The following RCC2 variants were observed in gnomAD, a reference collection of about 807,000 sequenced individuals.
The protein encoded by RCC2 is regulator of chromosome condensation 2, also known as protein RCC2.
RCC2 carries 19 observed loss-of-function variants against 64.1 expected under a neutral mutation model. The observed-to-expected ratio is 0.30, with a 90% CI of 0.21 to 0.44. The LOEUF is 0.44. Among genes scored for constraint, RCC2 ranks in the 20% least tolerant of loss-of-function variants. The probability of loss-of-function intolerance (pLI) is 1.00; values close to 1 mark genes in which losing one functional copy is unlikely to be tolerated. For synonymous variants in RCC2, 325 were observed against 279.6 expected, an observed-to-expected ratio of 1.16 and a Z score of -1.62; for missense variants, 508 against 710.4, an observed-to-expected ratio of 0.72 and a Z score of 3.24.
At chr1:17,430,956 G>A (rs2075669206) in intron 2 of RCC2, among the ~76,000 whole-genome samples, 2 of 151,814 alleles carry the variant, frequency 1.3e-5, no homozygotes, top group South Asian at 2.1e-4. Context: ...GACCGCAGGT[G>A]ATCCACCCAC....
chr1:17,437,750 C>T (rs1268429008), intron 2 of RCC2, among the ~76,000 whole-genome samples: 1 of 1,852 alleles, frequency 5.4e-4, no homozygotes, highest in African/African-American at 1.7e-3. Context: ...AGCCCCGGCG[C>T]AAACGGCCGC....
intron 12 of RCC2, among the ~76,000 whole-genome samples, chr1:17,409,480 C>T (rs978948364): frequency 6.6e-6 from 1 of 152,214 alleles, no homozygotes; most frequent in Non-Finnish European, 1.5e-5. Context: ...GCTCCAGCTC[C>T]ACTTCCATCC....
rs779083439 is a variant in RCC2 at position 17,425,478 on chromosome 1, C to T, written c.523+63G>A. On this transcript the variant is annotated intron_variant, in intron 4 of 12. Transcript: ENST00000375436. ...TCTCTTTTCCAGGCAAACAGAAGAA[C>T]GTGCTGTGTGGGGACAGCTGGTGAC... The T allele has an allele frequency of 1.4e-5, 21 of 1,467,602 alleles. No individual in the cohort carries two copies. In the East Asian group the frequency reaches 4.8e-4, roughly 34 times the overall value. 90.9% of individuals were successfully genotyped at this position (1,467,602 alleles called of 1,614,324 possible). A position where few individuals can be genotyped will look rare whatever the true frequency, so the allele number is the denominator to read the frequency against.
intron 2 of RCC2, among the ~76,000 whole-genome samples, chr1:17,431,290 C>T (rs1343498743): frequency 7.5e-6 from 1 of 133,892 alleles, no homozygotes. Flanking sequence ...GCCAAGATCG[C>T]ACCACTGCAC....
intron 8 of RCC2, among the ~76,000 whole-genome samples, chr1:17,414,661 G>A (rs1467072141): frequency 1.3e-5 from 2 of 151,240 alleles, no homozygotes; most frequent in African/African-American, 2.4e-5. Context: ...AGAGGGTCTC[G>A]TGCTCTGTTA....
intron 11 of RCC2, among the ~76,000 whole-genome samples, chr1:17,411,851 G>T (rs971215412): frequency 6.6e-6 from 1 of 152,186 alleles, no homozygotes; most frequent in East Asian, 1.9e-4. Flanking sequence ...CCCAACTGTG[G>T]TTTACAAAAT....
intron 12 of RCC2, 25 bp from the exon 13 acceptor site, chr1:17,409,219 T>G (rs1385912932): frequency 2.0e-6 from 3 of 1,495,296 alleles, no homozygotes; most frequent in Non-Finnish European, 2.8e-6. Context: ...CAGCGTTGGG[T>G]GTGCCTGAGG....
In RCC2 at chr1:17,407,270, G is replaced by C. The variant is rs190032649; in HGVS notation, c.*1820C>G. ...CGGGTGCTGCGTCCTCAACCCTCTC[G>C]GTGACCACGGCTCAAAGGAGAGACC... On this transcript the variant is annotated 3_prime_UTR_variant, in exon 13 of 13. Transcript: ENST00000375436. The C allele has an allele frequency of 7.9e-5, 12 of 152,222 alleles. No individual in the cohort carries two copies. The East Asian group carries it at 2.3e-3, about 29-fold the overall frequency. The allele number at this position is 152,222 out of a possible 1,614,324, so 9.4% of individuals were successfully genotyped here.
intron 2 of RCC2, among the ~76,000 whole-genome samples, chr1:17,429,690 A>AAT (rs2075654258): frequency 6.6e-6 from 1 of 152,204 alleles, no homozygotes; most frequent in Non-Finnish European, 1.5e-5. Context: ...ACTCAGGAAG[A>AAT]AAACAGTAGA....
At chr1:17,409,950 G>C (rs768015163) in intron 12 of RCC2, 24 bp downstream of exon 12, 40 of 1,603,040 alleles carry the variant, frequency 2.5e-5, no homozygotes, top group Non-Finnish European at 3.3e-5. Context: ...ACGTCCCCGA[G>C]CTGGCACAGC....
chr1:17,415,558 A>T (rs896404574), intron 8 of RCC2, among the ~76,000 whole-genome samples: 1 of 151,702 alleles, frequency 6.6e-6, no homozygotes, highest in Admixed American at 6.6e-5. Context: ...TAAAAATACA[A>T]AATTAGCCAG....
intron 3 of RCC2, among the ~76,000 whole-genome samples, 169 bp from the exon 4 acceptor site, chr1:17,425,853 C>T (rs555596058): frequency 7.9e-5 from 12 of 152,312 alleles, no homozygotes; most frequent in Admixed American, 3.9e-4. Context: ...GTTTTCACTT[C>T]GAATCTCTGC....
chr1:17,426,643 TCACAAATGCCTGG>T (rs1284604380), intron 3 of RCC2, among the ~76,000 whole-genome samples: 1 of 151,472 alleles, frequency 6.6e-6, no homozygotes, highest in Non-Finnish European at 1.5e-5. Flanking sequence ...GCCTAGACCC[TCACAAATGCCTGG>T]CACGCAGCGA....
chr1:17,437,704 C>A (rs982786583), intron 2 of RCC2, among the ~76,000 whole-genome samples: 1 of 146,902 alleles, frequency 6.8e-6, no homozygotes, highest in Non-Finnish European at 1.5e-5. Context: ...GCCCCGCCCC[C>A]CCCGGGCGCC....
At chr1:17,426,454 G>C (rs2075617397) in intron 3 of RCC2, among the ~76,000 whole-genome samples, 1 of 152,048 alleles carries the variant, frequency 6.6e-6, no homozygotes, top group Admixed American at 6.5e-5. Flanking sequence ...TCAAGCACCA[G>C]TTCGCCTCCT....
At chr1:17,415,054 T>C (rs1156286925) in intron 8 of RCC2, among the ~76,000 whole-genome samples, 1 of 152,266 alleles carries the variant, frequency 6.6e-6, no homozygotes, top group Non-Finnish European at 1.5e-5. Context: ...TCTTCTGACA[T>C]GCCAATTCAG....
intron 2 of RCC2, among the ~76,000 whole-genome samples, chr1:17,437,256 A>G (rs2075744450): frequency 6.6e-6 from 1 of 152,164 alleles, no homozygotes; most frequent in Non-Finnish European, 1.5e-5. Context: ...GCACTTATGG[A>G]AGGAAAAAAA....
chr1:17,425,943 C>T lies in RCC2; in HGVS notation c.380-259G>A, dbSNP rs933835010. Among the ~76,000 whole-genome samples, 12 of 152,308 alleles carry T rather than the reference C, an allele frequency of 7.9e-5. No homozygotes were observed. The East Asian group carries it at 1.2e-3, about 15-fold the overall frequency. On this transcript the variant is annotated intron_variant, in intron 3 of 12. Coordinates refer to ENST00000375436, the MANE Select transcript of RCC2 (RefSeq NM_018715.4). ...GTCACCTGCCACCTTTACACCCATT[C>T]GGCCCCAGCCCCCTCTCTGGGTCCC...
intron 1 of RCC2, among the ~76,000 whole-genome samples, chr1:17,439,098 T>C (rs2075778109): frequency 6.6e-6 from 1 of 151,924 alleles, no homozygotes; most frequent in Non-Finnish European, 1.5e-5. Flanking sequence ...GGGCTCTAGT[T>C]AGCCGAATCC....
Sources: gnomAD v4.1 joint callset for allele counts (sites outside exome capture counted in the v4.1 genomes callset) on GRCh38, gnomAD v4.1.1 for gene constraint, MANE v1.5 for transcripts, NCBI Gene and HGNC (gene_info 2026-07-23, HGNC 2026-07-21) for gene names.